ERC2: variants seen among roughly 807,000 people sequenced by gnomAD.
The protein encoded by ERC2 is ELKS/RAB6-interacting/CAST family member 2.
ERC2 carries 42 observed loss-of-function variants against 114.8 expected under a neutral mutation model. The observed-to-expected ratio is 0.37, with a 90% CI of 0.29 to 0.47. ERC2 has a LOEUF of 0.47. ERC2 is among the 20% of genes least tolerant of loss of function. The probability of loss-of-function intolerance (pLI) is 0.99; values close to 1 mark genes in which losing one functional copy is unlikely to be tolerated. For missense variants in ERC2, 939 were observed against 1,150.7 expected (o/e 0.82, Z 2.66); for synonymous variants, 454 against 425.5 (o/e 1.07, Z -0.82).
intron 16 of ERC2, among the ~76,000 whole-genome samples, chr3:55,689,097 G>A (rs1487478684): frequency 1.3e-5 from 2 of 152,136 alleles, no homozygotes; most frequent in South Asian, 2.1e-4. Context: ...TGGAGAATCT[G>A]TGCAGCCTGG....
chr3:56,462,481 T>C (rs767523016), intron 1 of ERC2, among the ~76,000 whole-genome samples: 11 of 152,192 alleles, frequency 7.2e-5, no homozygotes, highest in African/African-American at 1.7e-4. Flanking sequence ...AATGGCTTTA[T>C]ACTCACTAGC....
At chr3:56,424,969 A>G (rs1452731886) in intron 2 of ERC2, among the ~76,000 whole-genome samples, 1 of 152,158 alleles carries the variant, frequency 6.6e-6, no homozygotes, top group East Asian at 1.9e-4. Flanking sequence ...GCAACATATG[A>G]TTGACTTCTT....
chr3:56,276,829 C>T (rs1230190073), intron 3 of ERC2, among the ~76,000 whole-genome samples: 1 of 152,142 alleles, frequency 6.6e-6, no homozygotes, highest in African/African-American at 2.4e-5. Context: ...AGCTCCTGAG[C>T]CTAAAAACAC....
chr3:56,000,795 G>A (rs2071986410), intron 10 of ERC2, among the ~76,000 whole-genome samples: 1 of 151,750 alleles, frequency 6.6e-6, no homozygotes, highest in Admixed American at 6.6e-5. Flanking sequence ...GCACATGTTT[G>A]TAGTCTCAGC....
intron 14 of ERC2, among the ~76,000 whole-genome samples, chr3:55,846,859 A>G (rs2061392975): frequency 6.6e-6 from 1 of 152,216 alleles, no homozygotes; most frequent in Non-Finnish European, 1.5e-5. Flanking sequence ...TGGGAAACTC[A>G]GCAGAAAGCT....
chr3:55,543,886 C>G (rs1400714636), intron 17 of ERC2, among the ~76,000 whole-genome samples: 1 of 152,208 alleles, frequency 6.6e-6, no homozygotes, highest in East Asian at 1.9e-4. Context: ...CACCACTAAT[C>G]AACTCCACCT....
intron 14 of ERC2, among the ~76,000 whole-genome samples, chr3:55,827,232 A>T (rs2060361155): frequency 6.6e-6 from 1 of 152,156 alleles, no homozygotes; most frequent in Non-Finnish European, 1.5e-5. Context: ...AAGAAAAGAA[A>T]GAAAGAGGGA....
chr3:55,903,736 CT>C (rs2064271446), intron 13 of ERC2, among the ~76,000 whole-genome samples: 1 of 152,216 alleles, frequency 6.6e-6, no homozygotes, highest in Admixed American at 6.5e-5. Flanking sequence ...TAATTTTGTG[CT>C]GAATCCCTTC....
At chr3:56,461,309 A>G (rs2063308152) in intron 1 of ERC2, among the ~76,000 whole-genome samples, 3 of 152,194 alleles carry the variant, frequency 2.0e-5, no homozygotes, top group Admixed American at 1.3e-4. Context: ...GAAACCAAAA[A>G]TCACAAAACT....
chr3:56,058,403 C>A (rs1172915069), intron 7 of ERC2, among the ~76,000 whole-genome samples: 1 of 152,184 alleles, frequency 6.6e-6, no homozygotes, highest in Non-Finnish European at 1.5e-5. Context: ...TTAGTGTCAT[C>A]CCCACCAACT....
At chr3:56,095,381 T>C (rs1310300844) in intron 6 of ERC2, among the ~76,000 whole-genome samples, 1 of 152,162 alleles carries the variant, frequency 6.6e-6, no homozygotes, top group Non-Finnish European at 1.5e-5. Flanking sequence ...TAAGATTAAA[T>C]TTAAATTGAA....
At chr3:56,323,494 C>T (rs1222367836) in intron 2 of ERC2, among the ~76,000 whole-genome samples, 2 of 152,162 alleles carry the variant, frequency 1.3e-5, no homozygotes, top group African/African-American at 4.8e-5. Context: ...CACCAGATAA[C>T]TGCAGCCTCA....
rs556357845 is a variant in ERC2 at position 55,614,567 on chromosome 3, T to C, written c.*39+69227A>G. Among the ~76,000 whole-genome samples, 18 of 152,328 alleles carry C rather than the reference T, an allele frequency of 1.2e-4. No individual in the cohort carries two copies. The East Asian group carries it at 3.5e-3, about 29-fold the overall frequency. On this transcript the variant is annotated intron_variant, in intron 17 of 17. Transcript: ENST00000288221. ...AAATTAAAAAAAAATCCTTTCCCAA[T>C]TATATGAATTTTCCTTTGGGTGACA... is the stretch of plus-strand genomic sequence containing the variant.
chr3:55,988,938 A>G (rs2070841403), intron 11 of ERC2, among the ~76,000 whole-genome samples: 1 of 152,246 alleles, frequency 6.6e-6, no homozygotes, highest in Non-Finnish European at 1.5e-5. Context: ...CAGAATACAC[A>G]TGTAGCACAG....
intron 1 of ERC2, among the ~76,000 whole-genome samples, chr3:56,445,576 C>A (rs1345779681): frequency 6.6e-6 from 1 of 152,196 alleles, no homozygotes; most frequent in Non-Finnish European, 1.5e-5. Flanking sequence ...CCACTTAAAA[C>A]CCTTTTAAAG....
At chr3:56,213,322 C>G (rs2049204036) in intron 3 of ERC2, among the ~76,000 whole-genome samples, 1 of 152,226 alleles carries the variant, frequency 6.6e-6, no homozygotes, top group Admixed American at 6.5e-5. Flanking sequence ...CACCCTAATA[C>G]TGTGCTTTTC....
intron 2 of ERC2, among the ~76,000 whole-genome samples, chr3:56,301,830 C>A (rs2055899048): frequency 6.6e-6 from 1 of 152,122 alleles, no homozygotes; most frequent in African/African-American, 2.4e-5. Context: ...GCCTCGGTCT[C>A]CCCATTTGTA....
chr3:56,002,121 T>C (rs544934282), intron 10 of ERC2, among the ~76,000 whole-genome samples: 29 of 152,248 alleles, frequency 1.9e-4, no homozygotes, highest in African/African-American at 6.5e-4. Flanking sequence ...ATAAAATGTG[T>C]TGTAAAGAAT....
At chr3:55,675,894 C>CTCTTTTTTTTTTTTT (rs2061765800) in intron 17 of ERC2, among the ~76,000 whole-genome samples, 1 of 70,472 alleles carries the variant, frequency 1.4e-5, no homozygotes, top group African/African-American at 5.2e-5. Context: ...CTTTCTTTCT[C>CTCTTTTTTTTTTTTT]TTTTCTTTCT....
Sources: allele counts gnomAD v4.1 joint callset (sites outside exome capture counted in the v4.1 genomes callset), GRCh38; gene constraint gnomAD v4.1.1; transcripts MANE v1.5; gene names NCBI Gene and HGNC (gene_info 2026-07-23, HGNC 2026-07-21).